The following ANKS1A variants were observed in gnomAD, a reference collection of about 807,000 sequenced individuals.
ANKS1A encodes the protein ankyrin repeat and sterile alpha motif domain containing 1A.
Under a neutral mutation model 120.3 loss-of-function variants are expected in ANKS1A, and 55 were observed. The ratio of observed to expected loss-of-function variants is 0.46; its 90% CI spans 0.37 to 0.57. The LOEUF is 0.57. ANKS1A is among the 20% of genes least tolerant of loss of function. ANKS1A has a pLI of 0.00. For missense variants in ANKS1A, 1,123 were observed against 1,480.3 expected, an observed-to-expected ratio of 0.76 and a Z score of 3.96; for synonymous variants, 590 against 604.7, an observed-to-expected ratio of 0.98 and a Z score of 0.36.
At chr6:34,987,888 A>C (rs1318254550) in intron 8 of ANKS1A, among the ~76,000 whole-genome samples, 1 of 152,258 alleles carries the variant, frequency 6.6e-6, no homozygotes, top group Non-Finnish European at 1.5e-5. Context: ...ATGAACCTGC[A>C]GGACAGCTCT....
At chr6:35,065,893 T>C (rs1204193036) in intron 13 of ANKS1A, among the ~76,000 whole-genome samples, 2 of 152,184 alleles carry the variant, frequency 1.3e-5, no homozygotes, top group Non-Finnish European at 2.9e-5. Context: ...CCACCACCAC[T>C]GCCTGGCCCG....
chr6:35,070,936 T>C, intron 13 of ANKS1A: 1 of 640,268 alleles, frequency 1.6e-6, no homozygotes, highest in Non-Finnish European at 2.8e-6. Context: ...AGTCCTTAAC[T>C]ACTACACAAC....
At chr6:35,092,074 G>A (rs1245399860), downstream of ANKS1A, among the ~76,000 whole-genome samples, 2 of 152,188 alleles carry the variant, frequency 1.3e-5, no homozygotes, top group African/African-American at 4.8e-5. Flanking sequence ...TAGCTTTCCA[G>A]GCAACCATCT....
downstream of ANKS1A, among the ~76,000 whole-genome samples, chr6:35,094,277 T>C (rs1416236531): frequency 6.6e-6 from 1 of 152,048 alleles, no homozygotes; most frequent in East Asian, 1.9e-4. Context: ...CAGTAATCAA[T>C]AGATATCAAC....
chr6:35,004,060 T>G (rs1191964498), intron 10 of ANKS1A, among the ~76,000 whole-genome samples: 2 of 152,098 alleles, frequency 1.3e-5, no homozygotes, highest in African/African-American at 2.4e-5. Flanking sequence ...AACTTCCCGG[T>G]CTGTTCTGTT....
At chr6:34,965,327 T>G (rs1380826198) in intron 1 of ANKS1A, among the ~76,000 whole-genome samples, 3 of 152,210 alleles carry the variant, frequency 2.0e-5, no homozygotes, top group African/African-American at 7.2e-5. Context: ...ATTTGTCTGT[T>G]GATGCCTATT....
chr6:34,902,742 G>T (rs1470358598), intron 1 of ANKS1A, among the ~76,000 whole-genome samples: 1 of 150,212 alleles, frequency 6.7e-6, no homozygotes, highest in Non-Finnish European at 1.5e-5. Flanking sequence ...GGCGGAGGTT[G>T]CAGTGAGCCA....
intron 11 of ANKS1A, among the ~76,000 whole-genome samples, chr6:35,036,907 G>T (rs902537714): frequency 6.6e-6 from 1 of 152,200 alleles, no homozygotes; most frequent in Non-Finnish European, 1.5e-5. Flanking sequence ...GCTGGGCCCC[G>T]GTAATGTTTC....
At chr6:35,054,813 G>A (rs191820198) in intron 12 of ANKS1A, among the ~76,000 whole-genome samples, 2 of 152,332 alleles carry the variant, frequency 1.3e-5, no homozygotes, top group Non-Finnish European at 2.9e-5. Flanking sequence ...ATAGGATTGT[G>A]CTGTGTTGCT....
intron 8 of ANKS1A, among the ~76,000 whole-genome samples, chr6:34,987,493 T>C (rs1280663669): frequency 6.6e-6 from 1 of 152,208 alleles, no homozygotes; most frequent in African/African-American, 2.4e-5. Context: ...TTCCCTTCCT[T>C]ACAAGGTGGC....
At chr6:35,056,070 T>C (rs950093395) in intron 12 of ANKS1A, among the ~76,000 whole-genome samples, 1 of 152,256 alleles carries the variant, frequency 6.6e-6, no homozygotes, top group Non-Finnish European at 1.5e-5. Context: ...GGATGGTTTC[T>C]GCTTTCTGTG....
In ANKS1A at chr6:35,017,818, C is replaced by T. The variant is rs750583634; in HGVS notation, c.1769C>T (p.Pro590Leu). 6.8e-5 allele frequency: 110 copies of T among 1,614,054 alleles called. No individual in the cohort carries two copies. The highest frequency in any genetic ancestry group is 8.5e-5 in the Non-Finnish European group (100 of 1,180,034). ...HPETLTHTAS[P>L]HPGGAEEGDR... is the part of the protein sequence containing the mutation. ...GAAACTTTGACTCACACAGCATCTC[C>T]GCACCCTGGTGGTGCTGAGGAAGGA... Residue 590 changes from proline (P) to leucine (L), a missense_variant, in exon 11 of 24, where the codon CCG becomes CTG. Around this residue, in one of 3 missense-constraint regions of ANKS1A, gnomAD observed 904 missense variants for 1,130.4 expected, o/e 0.80. Coordinates refer to ENST00000360359, the MANE Select transcript of ANKS1A (RefSeq NM_015245.3).
chr6:35,067,044 C>T (rs963730544), intron 13 of ANKS1A, among the ~76,000 whole-genome samples: 3 of 152,186 alleles, frequency 2.0e-5, no homozygotes, highest in Non-Finnish European at 4.4e-5. Flanking sequence ...GGGATTGGAA[C>T]CCCTTTCTAC....
intron 1 of ANKS1A, among the ~76,000 whole-genome samples, chr6:34,916,792 C>G (rs549834364): frequency 2.8e-4 from 42 of 152,146 alleles, no homozygotes; most frequent in Middle Eastern, 6.8e-3. Context: ...AAAAAATAAC[C>G]ACATTGTTGG....
intron 10 of ANKS1A, among the ~76,000 whole-genome samples, chr6:35,015,362 G>C (rs1773945743): frequency 6.6e-6 from 1 of 152,158 alleles, no homozygotes; most frequent in African/African-American, 2.4e-5. Context: ...AGCTGGGCGT[G>C]GTGGCACACA....
intron 13 of ANKS1A, among the ~76,000 whole-genome samples, chr6:35,064,072 G>T (rs1476547830): frequency 2.0e-5 from 3 of 152,360 alleles, no homozygotes; most frequent in Admixed American, 6.5e-5. Context: ...CTGACCAGGC[G>T]GGAGAGATGG....
chr6:35,083,322 T>C lies in ANKS1A; in HGVS notation c.2908-95T>C. 4.4e-6 allele frequency: 7 copies of C among 1,594,452 alleles called. No homozygotes were observed. In the African/African-American group the frequency reaches 8.0e-5, roughly 18 times the overall value. The stretch of plus-strand genomic sequence containing the variant: ...TGCAGTTGCCTGGGCCCTGCTGCAC[T>C]ATGTAAGGATGGGAAGGAAGCTGGG... On this transcript the variant is annotated intron_variant, in intron 19 of 23. Transcript: ENST00000360359.
At chr6:34,978,640 T>A (rs572357196) in intron 3 of ANKS1A, among the ~76,000 whole-genome samples, 23 of 151,956 alleles carry the variant, frequency 1.5e-4, no homozygotes, top group Middle Eastern at 3.4e-3. Flanking sequence ...ACCCCGTCTC[T>A]ACTAAAAATA....
intron 23 of ANKS1A, among the ~76,000 whole-genome samples, chr6:35,088,310 G>A (rs1581769118): frequency 1.3e-5 from 2 of 152,296 alleles, no homozygotes; most frequent in Middle Eastern, 3.4e-3. Context: ...ATAGGCAGCC[G>A]TGCACACATA....
Sources: allele counts gnomAD v4.1 joint callset (sites outside exome capture counted in the v4.1 genomes callset), GRCh38; gene constraint gnomAD v4.1.1; regional missense constraint gnomAD v4.1.1; transcripts MANE v1.5; gene names NCBI Gene and HGNC (gene_info 2026-07-23, HGNC 2026-07-21).